The following PAQR8 variants were observed in gnomAD, a reference collection of about 807,000 sequenced individuals.
PAQR8 encodes membrane progestin receptor beta.
A neutral mutation model predicts 25.2 loss-of-function variants in PAQR8; 17 were observed. The observed-to-expected ratio is 0.67, with a 90% CI of 0.46 to 1.01. PAQR8 has a LOEUF of 1.01. Ranked by LOEUF, PAQR8 falls within the 50% of genes least tolerant of loss-of-function variation. PAQR8 has a pLI of 0.00. For synonymous variants in PAQR8, 204 were observed against 190.6 expected (o/e 1.07, Z -0.58); for missense variants, 392 against 448.4 (o/e 0.87, Z 1.14).
At chr6:52,366,392 A>G (rs1763354230) in intron 1 of PAQR8, among the ~76,000 whole-genome samples, 1 of 152,204 alleles carries the variant, frequency 6.6e-6, no homozygotes, top group Admixed American at 6.5e-5. Flanking sequence ...TGATGCAGGA[A>G]CAAAAGCTTC....
At chr6:52,395,272 C>CAAAAAAAAA (rs34239055) in intron 1 of PAQR8, among the ~76,000 whole-genome samples, 1 of 93,432 alleles carries the variant, frequency 1.1e-5, no homozygotes, top group Non-Finnish European at 2.1e-5. Flanking sequence ...GACTTCGTCT[C>CAAAAAAAAA]AAAAAAAAAA....
At chr6:52,366,575 G>A (rs573636849) in intron 1 of PAQR8, among the ~76,000 whole-genome samples, 26 of 152,288 alleles carry the variant, frequency 1.7e-4, no homozygotes, top group South Asian at 1.2e-3. Flanking sequence ...GCCATAAAAG[G>A]AGAAAATAGC....
intron 1 of PAQR8, among the ~76,000 whole-genome samples, chr6:52,378,665 C>T (rs1763514357): frequency 6.6e-6 from 1 of 151,950 alleles, no homozygotes; most frequent in Non-Finnish European, 1.5e-5. Context: ...GTGGTGTATG[C>T]CTGAAATCCC....
chr6:52,384,921 T>C (rs779408940), intron 1 of PAQR8, among the ~76,000 whole-genome samples: 12 of 152,182 alleles, frequency 7.9e-5, no homozygotes, highest in Non-Finnish European at 1.6e-4. Flanking sequence ...GGAAAGGATA[T>C]CCTATTCAAT....
intron 1 of PAQR8, among the ~76,000 whole-genome samples, chr6:52,376,184 G>T (rs890675245): frequency 1.3e-5 from 2 of 152,226 alleles, no homozygotes; most frequent in African/African-American, 4.8e-5. Context: ...GACTTCCTTG[G>T]TGAGGTTTTA....
intron 1 of PAQR8, among the ~76,000 whole-genome samples, chr6:52,381,434 C>A (rs114229830): frequency 0.011 from 1,652 of 152,274 alleles, 31 homozygotes; most frequent in African/African-American, 0.037. Context: ...ATGGTGAAAC[C>A]CCAGCTCTAC....
chr6:52,390,512 T>C (rs1763691395), intron 1 of PAQR8, among the ~76,000 whole-genome samples: 1 of 151,796 alleles, frequency 6.6e-6, no homozygotes, highest in South Asian at 2.1e-4. Context: ...GCCAGATCTG[T>C]GGCAAAAAGG....
Position 52,403,417 on chromosome 6 carries a change from C to T in PAQR8, c.204C>T (p.Ser68=). The T allele has an allele frequency of 6.2e-7, 1 of 1,614,254 alleles. No individual in the cohort carries two copies. The highest frequency in any genetic ancestry group is 8.5e-7 in the Non-Finnish European group (1 of 1,180,054). The change falls in exon 2 of 2, where the codon AGC becomes AGT. Residue 68 remains serine (S), a synonymous_variant. Coordinates refer to ENST00000442253, the MANE Select transcript of PAQR8 (RefSeq NM_133367.5). ...TGHEWRYYFF[S]LFQKHNEVVN... ...ACGAGTGGCGCTACTACTTCTTCAG[C>T]CTCTTTCAGAAACACAACGAGGTGG...
chr6:52,381,332 G>A (rs770292223), intron 1 of PAQR8, among the ~76,000 whole-genome samples: 7 of 152,264 alleles, frequency 4.6e-5, no homozygotes, highest in Non-Finnish European at 1.0e-4. Flanking sequence ...CAATGGCTGG[G>A]TGCGGTGGCT....
rs1763414825 is a variant in PAQR8 at position 52,371,076 on chromosome 6, G to A, written c.-53+8827G>A. 1.3e-5 allele frequency among the ~76,000 whole-genome samples: 2 copies of A among 152,142 alleles called. 1 individual carries two copies. The highest frequency in any genetic ancestry group is 4.1e-4 in the South Asian group (2 of 4,832). On this transcript the variant is annotated intron_variant, in intron 1 of 1. Transcript: ENST00000442253. ...ATGCAACATATATTCTCTTGGGGGAGACAAACAATAAACAAGTAAATCAGG... is the reference window on the plus strand; with the variant it reads ...ATGCAACATATATTCTCTTGGGGGAAACAAACAATAAACAAGTAAATCAGG...
chr6:52,406,601 C>T lies in PAQR8; in HGVS notation c.*2323C>T, dbSNP rs867667294. 12 of 411,846 alleles carry T rather than the reference C, an allele frequency of 2.9e-5. No homozygotes were observed. Among genetic ancestry groups the T allele is most frequent in the Admixed American group, 2.2e-4 (5 of 22,712 alleles). 25.5% of individuals were successfully genotyped at this position (411,846 alleles called of 1,614,324 possible). A position where few individuals can be genotyped will look rare whatever the true frequency, so the allele number is the denominator to read the frequency against. ...TTTCTGAGACAGGGTCTTACTCTGT[C>T]GCCCAGGCTGGAGTGCAGTGATGCA... On this transcript the variant is annotated 3_prime_UTR_variant, in exon 2 of 2. Transcript: ENST00000442253.
At chr6:52,392,720 C>T (rs4276501) in intron 1 of PAQR8, among the ~76,000 whole-genome samples, 21,147 of 152,208 alleles carry the variant, frequency 0.14, 1,951 homozygotes, top group Non-Finnish European at 0.2. Context: ...GAATGTCTCA[C>T]TACACCAGTT....
chr6:52,392,543 C>T (rs1763722250), intron 1 of PAQR8, among the ~76,000 whole-genome samples: 2 of 152,248 alleles, frequency 1.3e-5, no homozygotes, highest in South Asian at 4.1e-4. Context: ...GTCTTCAGTA[C>T]CAAACAATGC....
rs532986393 is a variant in PAQR8, at chr6:52,407,773, A to G, written c.*3495A>G. The G allele has an allele frequency of 3.6e-4, 56 of 157,014 alleles. No homozygotes were observed. The highest frequency in any genetic ancestry group is 1.3e-3 in the African/African-American group (54 of 40,890). 9.7% of individuals were successfully genotyped at this position (157,014 alleles called of 1,614,324 possible). A position where few individuals can be genotyped will look rare whatever the true frequency, so the allele number is the denominator to read the frequency against. On this transcript the variant is annotated 3_prime_UTR_variant, in exon 2 of 2. Transcript: ENST00000442253. ...AATAACCATTAAAGTGATTTTGTAT[A>G]TGCATTGTTGTAGTGTCAGCAGTTT...
chr6:52,396,262 G>A (rs1328371259), intron 1 of PAQR8, among the ~76,000 whole-genome samples: 1 of 152,182 alleles, frequency 6.6e-6, no homozygotes, highest in East Asian at 1.9e-4. Context: ...AAAGCTTCCT[G>A]GTGGAGCCGA....
chr6:52,363,392 TA>T (rs1369536068), intron 1 of PAQR8, among the ~76,000 whole-genome samples: 3 of 152,148 alleles, frequency 2.0e-5, no homozygotes, highest in African/African-American at 7.2e-5. Flanking sequence ...GAGCCTGGGC[TA>T]AAAAAATTAG....
intron 1 of PAQR8, among the ~76,000 whole-genome samples, chr6:52,365,586 C>T (rs541061772): frequency 6.6e-6 from 1 of 152,218 alleles, no homozygotes; most frequent in South Asian, 2.1e-4. Context: ...TATTGATAGT[C>T]TTATGTTAAA....
chr6:52,388,311 G>A lies in PAQR8; in HGVS notation c.-52-14851G>A, dbSNP rs1313716427. The stretch of plus-strand genomic sequence containing the variant: ...GAATGGCTTGAGCCTGGGAGGTGGA[G>A]GTTGCAGTGAGCTGAGTTGGCATCA... On this transcript the variant is annotated intron_variant, in intron 1 of 1. Coordinates refer to ENST00000442253, the MANE Select transcript of PAQR8 (RefSeq NM_133367.5). 2.0e-5 allele frequency among the ~76,000 whole-genome samples: 3 copies of A among 152,004 alleles called. No homozygotes were observed. In the East Asian group the frequency reaches 5.8e-4, roughly 29 times the overall value.
chr6:52,396,273 C>T (rs1481864782), intron 1 of PAQR8, among the ~76,000 whole-genome samples: 1 of 152,166 alleles, frequency 6.6e-6, no homozygotes, highest in Non-Finnish European at 1.5e-5. Flanking sequence ...GTGGAGCCGA[C>T]TTCTAGTTAG....
Sources: gnomAD v4.1 joint callset for allele counts (sites outside exome capture counted in the v4.1 genomes callset) on GRCh38, gnomAD v4.1.1 for gene constraint, MANE v1.5 for transcripts, NCBI Gene and HGNC (gene_info 2026-07-23, HGNC 2026-07-21) for gene names.